The following MCCC1 variants were observed in gnomAD, a reference collection of about 807,000 sequenced individuals.
MCCC1 encodes the protein methylcrotonyl-CoA carboxylase subunit 1, also known as methylcrotonoyl-CoA carboxylase subunit alpha, mitochondrial.
A neutral mutation model predicts 83.8 loss-of-function variants in MCCC1; 64 were observed. That is an observed-to-expected ratio of 0.76 (90% CI 0.62 to 0.94). The LOEUF (loss-of-function observed/expected upper bound fraction) is 0.94, where lower values mean the gene tolerates loss of function less well. Among genes scored for constraint, MCCC1 ranks in the 40% least tolerant of loss-of-function variants. MCCC1 has a pLI of 0.00. For missense variants in MCCC1, 807 were observed against 904.7 expected, an observed-to-expected ratio of 0.89 and a Z score of 1.39; for synonymous variants, 322 against 315.4, an observed-to-expected ratio of 1.02 and a Z score of -0.22.
intron 3 of MCCC1, among the ~76,000 whole-genome samples, chr3:183,091,919 T>C (rs946376375): frequency 4.6e-5 from 7 of 152,052 alleles, no homozygotes; most frequent in African/African-American, 1.7e-4. Context: ...GCACCTATAG[T>C]TCCAGCTACT....
chr3:183,088,481 A>G (rs1718078623), intron 3 of MCCC1, among the ~76,000 whole-genome samples: 1 of 152,186 alleles, frequency 6.6e-6, no homozygotes, highest in Admixed American at 6.5e-5. Context: ...TGCTGGGATT[A>G]CAGGCGTGAG....
At chr3:183,070,516 C>T (rs1038462822) in intron 7 of MCCC1, among the ~76,000 whole-genome samples, 1 of 152,104 alleles carries the variant, frequency 6.6e-6, no homozygotes, top group Non-Finnish European at 1.5e-5. Flanking sequence ...AGGTGGATCA[C>T]GAGGTCAGGA....
rs1473779393 is a variant in MCCC1 at position 183,057,440 on chromosome 3, T to G, written c.762-18A>C. ...CTACATGCCTATATAAAAGCAAACA[T>G]GTATGTTAATATATTTGTTAGGGGT... On this transcript the variant is annotated intron_variant, in intron 7 of 18. Transcript: ENST00000265594. 6.4e-7 allele frequency: 1 copy of G among 1,553,932 alleles called. No individual in the cohort carries two copies.
chr3:183,106,340 G>A (rs1433342984), intron 1 of MCCC1, among the ~76,000 whole-genome samples: 5 of 151,994 alleles, frequency 3.3e-5, no homozygotes, highest in Admixed American at 2.0e-4. Context: ...CTTTTATAGA[G>A]CCTCTCTCTG....
In MCCC1 at chr3:183,071,362, A is replaced by G. The variant is rs775353666; in HGVS notation, c.492-5T>C. On this transcript the variant is annotated splice_polypyrimidine_tract_variant and splice_region_variant and intron_variant, in intron 5 of 18. Transcript: ENST00000265594. ...GCCATTATGGATTTGGATGTGCTTT[A>G]GAGTGGGAAAGAAAACAACATGCCC... is the stretch of plus-strand genomic sequence containing the variant. 2.4e-5 allele frequency: 39 copies of G among 1,614,124 alleles called. No individual in the cohort carries two copies. Among genetic ancestry groups the G allele is most frequent in the African/African-American group, 1.3e-5 (1 of 74,948 alleles).
At chr3:183,041,469 A>G (rs1714074712) in intron 11 of MCCC1, 98 bp downstream of exon 11, 1 of 1,276,132 alleles carries the variant, frequency 7.8e-7, no homozygotes, top group Middle Eastern at 1.9e-4. Flanking sequence ...AAAATATGCT[A>G]GACAGTTCTG....
intron 8 of MCCC1, among the ~76,000 whole-genome samples, chr3:183,053,688 C>T (rs1271706209): frequency 1.3e-5 from 2 of 150,116 alleles, no homozygotes; most frequent in East Asian, 4.0e-4. Flanking sequence ...GCCTGTAGTC[C>T]CAGCTACTCT....
At chr3:183,055,811 T>C (rs780717876) in intron 8 of MCCC1, among the ~76,000 whole-genome samples, 4 of 151,566 alleles carry the variant, frequency 2.6e-5, no homozygotes, top group South Asian at 2.1e-4. Context: ...GAGGTGAGGA[T>C]TGCTTGAGCC....
intron 3 of MCCC1, among the ~76,000 whole-genome samples, chr3:183,091,218 A>G (rs1222172217): frequency 4.6e-5 from 7 of 152,234 alleles, no homozygotes; most frequent in Non-Finnish European, 1.5e-5. Flanking sequence ...TACTGCAGGC[A>G]TAATGAAGTC....
At chr3:183,020,798 G>A (rs778615823) in intron 16 of MCCC1, among the ~76,000 whole-genome samples, 3 of 152,302 alleles carry the variant, frequency 2.0e-5, no homozygotes, top group Admixed American at 2.0e-4. Flanking sequence ...CGTGGCTCAC[G>A]CCTGTAATCC....
At chr3:183,051,593 T>C (rs1458411003) in intron 9 of MCCC1, among the ~76,000 whole-genome samples, 2 of 152,170 alleles carry the variant, frequency 1.3e-5, no homozygotes, top group African/African-American at 2.4e-5. Flanking sequence ...CAATGGTGGA[T>C]ACATATCATT....
Position 183,017,430 on chromosome 3 carries a change from A to G in MCCC1, c.1978-93T>C, listed in dbSNP as rs796848160. The G allele has an allele frequency of 1.1e-5, 12 of 1,086,460 alleles. 1 individual carries two copies. The African/African-American group carries it at 1.8e-4, about 17-fold the overall frequency. The allele number at this position is 1,086,460 out of a possible 1,614,324, so 67.3% of individuals were successfully genotyped here. On this transcript the variant is annotated intron_variant, in intron 17 of 18. Coordinates refer to ENST00000265594, the MANE Select transcript of MCCC1 (RefSeq NM_020166.5). The stretch of plus-strand genomic sequence containing the variant: ...TTATAGTAACCATTTTACTGTCTAT[A>G]TATACTCATAACATCATGTTGCAAA...
chr3:183,054,646 T>C (rs1472876461), intron 8 of MCCC1, among the ~76,000 whole-genome samples: 2 of 152,188 alleles, frequency 1.3e-5, no homozygotes, highest in Admixed American at 6.5e-5. Context: ...TTTTATAAAT[T>C]TAATTGGCTC....
intron 7 of MCCC1, among the ~76,000 whole-genome samples, chr3:183,068,886 T>A (rs1489064123): frequency 6.6e-6 from 1 of 152,216 alleles, no homozygotes; most frequent in Non-Finnish European, 1.5e-5. Context: ...GGCTATACCA[T>A]AGCTTAGGTG....
upstream of MCCC1, among the ~76,000 whole-genome samples, chr3:183,104,363 C>T (rs1404369743): frequency 7.2e-5 from 11 of 152,164 alleles, no homozygotes; most frequent in Admixed American, 7.2e-4. Flanking sequence ...ACTGATCTAC[C>T]CGCCTTGGCC....
At chr3:183,094,644 A>G (rs750678774) in intron 1 of MCCC1, 39 bp from the exon 2 acceptor site, 6 of 1,576,184 alleles carry the variant, frequency 3.8e-6, no homozygotes, top group Non-Finnish European at 8.7e-7. Flanking sequence ...ATTAAACAGA[A>G]TAGGCAACAC....
intron 7 of MCCC1, among the ~76,000 whole-genome samples, chr3:183,058,835 C>T (rs996113391): frequency 6.6e-6 from 1 of 151,840 alleles, no homozygotes; most frequent in South Asian, 2.1e-4. Context: ...CACCATAATA[C>T]GCCATAATAC....
intron 2 of MCCC1, among the ~76,000 whole-genome samples, chr3:183,094,161 G>A (rs1211577047): frequency 6.7e-6 from 1 of 149,514 alleles, no homozygotes; most frequent in Non-Finnish European, 1.5e-5. Context: ...CAATTCTCCT[G>A]CCTCAGCCTC....
intron 11 of MCCC1, 30 bp from the exon 12 acceptor site, chr3:183,039,165 A>C (rs1713866054): frequency 6.3e-7 from 1 of 1,587,100 alleles, no homozygotes; most frequent in East Asian, 2.2e-5. Flanking sequence ...TAACCTCTTC[A>C]AGTCAAAACA....
Sources: gnomAD v4.1 joint callset for allele counts (sites outside exome capture counted in the v4.1 genomes callset) on GRCh38, gnomAD v4.1.1 for gene constraint, MANE v1.5 for transcripts, NCBI Gene and HGNC (gene_info 2026-07-23, HGNC 2026-07-21) for gene names.